The following PPARGC1A variants were observed in gnomAD, a reference collection of about 807,000 sequenced individuals.
PPARGC1A encodes the protein peroxisome proliferator-activated receptor gamma coactivator 1-alpha.
Under a neutral mutation model 88.7 loss-of-function variants are expected in PPARGC1A, and 25 were observed. The ratio of observed to expected loss-of-function variants is 0.28; its 90% CI spans 0.21 to 0.39. The LOEUF (loss-of-function observed/expected upper bound fraction) is 0.39, where lower values mean the gene tolerates loss of function less well. Ranked by LOEUF, PPARGC1A falls within the 10% of genes least tolerant of loss-of-function variation. The pLI is 1.00. For missense variants in PPARGC1A, 880 were observed against 968.7 expected, an observed-to-expected ratio of 0.91 and a Z score of 1.22; for synonymous variants, 363 against 355.6, an observed-to-expected ratio of 1.02 and a Z score of -0.24.
chr4:24,175,357 T>C, the PPARGC1A span, among the ~76,000 whole-genome samples: 2 of 149,992 alleles, frequency 1.3e-5, no homozygotes, highest in African/African-American at 5.0e-5. Context: ...TTTTTGTTTT[T>C]TTTTTTCTCT....
the PPARGC1A span, among the ~76,000 whole-genome samples, chr4:24,100,193 C>T: frequency 8.5e-5 from 13 of 152,130 alleles, no homozygotes; most frequent in Non-Finnish European, 1.9e-4. Context: ...TTTAACAAGG[C>T]TGATTCATTA....
At chr4:23,817,227 T>C (rs1265574439) in intron 7 of PPARGC1A, among the ~76,000 whole-genome samples, 1 of 152,174 alleles carries the variant, frequency 6.6e-6, no homozygotes, top group East Asian at 1.9e-4. Context: ...CTTCTGAGTC[T>C]TGAAAATTTG....
chr4:24,068,935 A>T, the PPARGC1A span, among the ~76,000 whole-genome samples: 1 of 152,152 alleles, frequency 6.6e-6, no homozygotes, highest in Non-Finnish European at 1.5e-5. Context: ...TCTATGACTG[A>T]GCTGTAGTGA....
the PPARGC1A span, among the ~76,000 whole-genome samples, chr4:24,018,894 T>G: frequency 1.4e-4 from 21 of 152,158 alleles, no homozygotes; most frequent in Non-Finnish European, 2.2e-4. Flanking sequence ...AAGAAAAAAG[T>G]AGATAAGCAA....
At chr4:24,053,438 A>G in the PPARGC1A span, among the ~76,000 whole-genome samples, 94,144 of 151,842 alleles carry the variant, frequency 0.62, 29,337 homozygotes, top group Non-Finnish European at 0.64. Context: ...GCTAAGCACC[A>G]GCTTTGATGA....
intron 5 of PPARGC1A, among the ~76,000 whole-genome samples, chr4:23,827,908 G>T (rs533802680): frequency 6.6e-6 from 1 of 151,910 alleles, no homozygotes; most frequent in East Asian, 1.9e-4. Flanking sequence ...GAGGGAGAAA[G>T]AAGAAGAAAG....
At chr4:24,176,731 G>A in the PPARGC1A span, among the ~76,000 whole-genome samples, 2 of 151,936 alleles carry the variant, frequency 1.3e-5, no homozygotes, top group African/African-American at 2.4e-5. Context: ...AATAATACCA[G>A]CTCAGACAGT....
At chr4:23,985,626 G>A in the PPARGC1A span, among the ~76,000 whole-genome samples, 2 of 151,926 alleles carry the variant, frequency 1.3e-5, no homozygotes, top group East Asian at 1.9e-4. Flanking sequence ...TTATCTAAAC[G>A]GGAGGGAGCT....
At chr4:24,035,572 AAAAAT>A in the PPARGC1A span, among the ~76,000 whole-genome samples, 8 of 151,668 alleles carry the variant, frequency 5.3e-5, no homozygotes, top group South Asian at 2.1e-4. Flanking sequence ...AAATAAAATA[AAAAAT>A]AAAATAAAAA....
chr4:24,146,411 A>G, the PPARGC1A span, among the ~76,000 whole-genome samples: 1 of 152,248 alleles, frequency 6.6e-6, no homozygotes, highest in Non-Finnish European at 1.5e-5. Flanking sequence ...AGTGAGAATC[A>G]AAGCTTCAAC....
intron 2 of PPARGC1A, among the ~76,000 whole-genome samples, chr4:23,846,863 A>G (rs1728416168): frequency 6.6e-6 from 1 of 152,218 alleles, no homozygotes; most frequent in African/African-American, 2.4e-5. Context: ...ATGTAAAGCC[A>G]AAATAGATTT....
At chr4:24,073,056 G>A in the PPARGC1A span, among the ~76,000 whole-genome samples, 1 of 151,342 alleles carries the variant, frequency 6.6e-6, no homozygotes, top group Middle Eastern at 3.2e-3. Context: ...TGCTTTGTTT[G>A]TTTTGAGATG....
the PPARGC1A span, among the ~76,000 whole-genome samples, chr4:24,141,201 C>T: frequency 1.3e-5 from 2 of 152,210 alleles, no homozygotes; most frequent in Non-Finnish European, 2.9e-5. Context: ...CAAAATGATG[C>T]CTTCTATGGC....
At chr4:24,329,258 CTTTT>C in the PPARGC1A span, among the ~76,000 whole-genome samples, 6 of 145,368 alleles carry the variant, frequency 4.1e-5, no homozygotes, top group Non-Finnish European at 6.1e-5. Context: ...TCTCTTTAAG[CTTTT>C]TTTTTTTTCC....
At chr4:24,107,092 CA>C in the PPARGC1A span, among the ~76,000 whole-genome samples, 4 of 152,184 alleles carry the variant, frequency 2.6e-5, no homozygotes, top group Non-Finnish European at 5.9e-5. Context: ...TTAATGAACA[CA>C]AATACATTGT....
the PPARGC1A span, among the ~76,000 whole-genome samples, chr4:24,271,639 A>G: frequency 6.6e-6 from 1 of 152,042 alleles, no homozygotes; most frequent in Non-Finnish European, 1.5e-5. Flanking sequence ...AGCCTCCCAA[A>G]GTGCTGGGAT....
chr4:24,128,006 G>A, the PPARGC1A span, among the ~76,000 whole-genome samples: 3 of 152,088 alleles, frequency 2.0e-5, no homozygotes, highest in Admixed American at 6.5e-5. Flanking sequence ...TACTTCTGTC[G>A]AACTCCCTCT....
the PPARGC1A span, among the ~76,000 whole-genome samples, chr4:24,179,494 CTT>C: frequency 6.6e-6 from 1 of 152,090 alleles, no homozygotes; most frequent in Non-Finnish European, 1.5e-5. Context: ...CTCTCTCTCT[CTT>C]AGGATCCTAC....
the PPARGC1A span, among the ~76,000 whole-genome samples, chr4:24,352,136 G>A: frequency 6.6e-6 from 1 of 152,122 alleles, no homozygotes; most frequent in Non-Finnish European, 1.5e-5. Flanking sequence ...ACCCGGGAGT[G>A]GGAGGCGAGA....
Sources: gnomAD v4.1 joint callset for allele counts (sites outside exome capture counted in the v4.1 genomes callset) on GRCh38, gnomAD v4.1.1 for gene constraint, MANE v1.5 for transcripts, NCBI Gene and HGNC (gene_info 2026-07-23, HGNC 2026-07-21) for gene names.